The following CPAMD8 variants were observed in gnomAD, a reference collection of about 807,000 sequenced individuals.
The protein encoded by CPAMD8 is C3 and PZP like alpha-2-macroglobulin domain containing 8.
CPAMD8 carries 146 observed loss-of-function variants against 224.7 expected under a neutral mutation model. The observed-to-expected ratio is 0.65, with a 90% CI of 0.57 to 0.75. The LOEUF is 0.75. Ranked by LOEUF, CPAMD8 falls within the 30% of genes least tolerant of loss-of-function variation. The pLI is 0.00. For synonymous variants in CPAMD8, 966 were observed against 1,044.6 expected (o/e 0.92, Z 1.45); for missense variants, 2,301 against 2,537.5 (o/e 0.91, Z 2.00).
At chr19:16,934,377 T>C (rs2053628230) in intron 23 of CPAMD8, among the ~76,000 whole-genome samples, 1 of 152,206 alleles carries the variant, frequency 6.6e-6, no homozygotes, top group African/African-American at 2.4e-5. Context: ...ACTATTCATA[T>C]AAATATGTTC....
chr19:16,957,812 T>C, intron 19 of CPAMD8, 41 bp downstream of exon 19: 1 of 1,608,152 alleles, frequency 6.2e-7, no homozygotes, highest in South Asian at 1.1e-5. Flanking sequence ...TGTCTTTCAC[T>C]CAACCGGCAA....
chr19:16,987,724 C>T (rs1050773666), intron 13 of CPAMD8, among the ~76,000 whole-genome samples: 1 of 152,138 alleles, frequency 6.6e-6, no homozygotes, highest in Non-Finnish European at 1.5e-5. Context: ...GATCATGTTT[C>T]ACTGCGGTCC....
At chr19:16,979,269 G>GCCATCCATCCATCCATCCAT (rs149849849) in intron 14 of CPAMD8, among the ~76,000 whole-genome samples, 11 of 144,892 alleles carry the variant, frequency 7.6e-5, no homozygotes, top group South Asian at 4.4e-4. Flanking sequence ...CCACCCATTA[G>GCCATCCATCCATCCATCCAT]CCATCCATCC....
At chr19:16,966,743 C>G (rs2054840266) in intron 18 of CPAMD8, among the ~76,000 whole-genome samples, 1 of 152,134 alleles carries the variant, frequency 6.6e-6, no homozygotes, top group African/African-American at 2.4e-5. Context: ...AAAAAATGCT[C>G]ATCATCACTG....
Position 16,904,470 on chromosome 19 carries a change from C to T in CPAMD8, c.4110G>A (p.Gln1370=). 1 of 1,614,032 alleles carries T rather than the reference C, an allele frequency of 6.2e-7. No homozygotes were observed. The highest frequency in any genetic ancestry group is 1.7e-5 in the Admixed American group (1 of 60,032). ...GGGAGCTGGGGTGGCCAGTACCTGA[C>T]TGAGAGACCCTGTCACTGAAGCTCA... The part of the protein sequence containing the change: ...TFLSFSDRVS[Q]SVVSAEVEMT... Residue 1370 remains glutamine, a synonymous_variant, in exon 31 of 42, where the codon CAG becomes CAA. Coordinates refer to ENST00000443236, the MANE Select transcript of CPAMD8 (RefSeq NM_015692.5).
chr19:16,926,120 T>TA (rs1345824252), intron 25 of CPAMD8, among the ~76,000 whole-genome samples: 2 of 152,068 alleles, frequency 1.3e-5, no homozygotes, highest in African/African-American at 4.8e-5. Flanking sequence ...CTTCAATTTT[T>TA]AAAAAAAGTT....
At chr19:16,929,966 G>A (rs60887063) in intron 23 of CPAMD8, among the ~76,000 whole-genome samples, 2 of 151,956 alleles carry the variant, frequency 1.3e-5, no homozygotes, top group East Asian at 3.9e-4. Flanking sequence ...ATACAGACAC[G>A]CAAAGGACCT....
At position 17,011,489 on chromosome 19, in the gene CPAMD8, GGA is replaced by G. The variant is rs781566148; in HGVS notation, c.459_460del (p.Pro154LysfsTer55). The G allele has an allele frequency of 6.2e-7, 1 of 1,614,202 alleles. No homozygotes were observed. The highest frequency in any genetic ancestry group is 1.1e-5 in the South Asian group (1 of 91,078). On this transcript the variant is annotated frameshift_variant, in exon 5 of 42. Coordinates refer to ENST00000443236, the MANE Select transcript of CPAMD8 (RefSeq NM_015692.5). LOFTEE classifies it high-confidence loss of function. ...CTTCTCGTTGACAGGCCTCAGATTT[GGA>G]GAGACGGTGAAGATGCTTATGAGCA...
intron 21 of CPAMD8, among the ~76,000 whole-genome samples, chr19:16,946,593 G>A (rs549332056): frequency 2.0e-5 from 3 of 149,220 alleles, no homozygotes; most frequent in South Asian, 2.1e-4. Flanking sequence ...ACGTCTACAC[G>A]TGGGCGTGTG....
At chr19:16,974,936 C>G in intron 17 of CPAMD8, 161 bp downstream of exon 17, 1 of 943,384 alleles carries the variant, frequency 1.1e-6, no homozygotes, top group Non-Finnish European at 1.6e-6. Flanking sequence ...GATCACACCA[C>G]TGCACTCCAG....
chr19:17,022,979 T>C (rs1053014931), intron 1 of CPAMD8, among the ~76,000 whole-genome samples: 48 of 151,626 alleles, frequency 3.2e-4, no homozygotes, highest in African/African-American at 1.1e-3. Context: ...AGAAGTCAAG[T>C]CACCAGCCGC....
At position 16,957,897 on chromosome 19, in the gene CPAMD8, C is replaced by A; in HGVS notation, c.2232G>T (p.Arg744Ser). Reference protein sequence around the residue: ...RHPPRTEKRKRTFFPETWIWH... With the variant: ...RHPPRTEKRKSTFFPETWIWH... ...AAATCCATGTTTCGGGGAAGAAAGT[C>A]CTTTTTCTCTTCTCTGTTCTATGAA... Residue 744 changes from arginine (R) to serine (S), a missense_variant, in exon 19 of 42, where the codon AGG (arginine) becomes AGT (serine). Coordinates refer to ENST00000443236, the MANE Select transcript of CPAMD8 (RefSeq NM_015692.5). 6.2e-7 allele frequency: 1 copy of A among 1,613,992 alleles called. No homozygotes were observed. Among genetic ancestry groups the A allele is most frequent in the Non-Finnish European group, 8.5e-7 (1 of 1,179,944 alleles).
At chr19:16,990,392 G>A (rs1267598253) in intron 12 of CPAMD8, among the ~76,000 whole-genome samples, 2 of 151,888 alleles carry the variant, frequency 1.3e-5, no homozygotes, top group African/African-American at 2.4e-5. Flanking sequence ...GACCAGCCTG[G>A]GCAATATAGC....
Position 16,921,913 on chromosome 19 carries a change from C to T in CPAMD8, c.3621G>A (p.Gly1207=), listed in dbSNP as rs372144870. ...GGGCGGTGGGGACTCACCACATGCT[C>T]CCCGATGCGTCCCGCTCCCCAAACG... is the stretch of plus-strand genomic sequence containing the variant. ...YSAFGERDAS[G]SMWLTAFVLK... is the part of the protein sequence containing the mutation. Residue 1207 remains glycine, a synonymous_variant, in exon 27 of 42, where the codon GGG becomes GGA. Transcript: ENST00000443236. The T allele has an allele frequency of 4.4e-5, 68 of 1,543,738 alleles. No individual in the cohort carries two copies. The highest frequency in any genetic ancestry group is 3.4e-4 in the East Asian group (14 of 40,924).
intron 1 of CPAMD8, among the ~76,000 whole-genome samples, chr19:17,023,173 TG>T (rs1381259586): frequency 1.3e-5 from 2 of 152,212 alleles, no homozygotes; most frequent in Non-Finnish European, 2.9e-5. Flanking sequence ...TAAAATCTTC[TG>T]ATTGACTATG....
rs529293941 is a variant in CPAMD8, at chr19:16,906,694, T to C, written c.4027+258A>G. Among the ~76,000 whole-genome samples the C allele has an allele frequency of 3.3e-5, 5 of 151,998 alleles. No homozygotes were observed. In the South Asian group the frequency reaches 1.0e-3, roughly 32 times the overall value. On this transcript the variant is annotated intron_variant, in intron 30 of 41. Transcript: ENST00000443236. ...GCGTGAGCCACCGCGCCTGGTCGAC[T>C]CATCAGTTTTTTGTTTTGTTTTGTT...
At chr19:16,934,173 G>C (rs543681220) in intron 23 of CPAMD8, among the ~76,000 whole-genome samples, 2 of 152,252 alleles carry the variant, frequency 1.3e-5, no homozygotes, top group South Asian at 4.1e-4. Context: ...TAGTGATGGA[G>C]TAAACAGGAG....
intron 3 of CPAMD8, 21 bp downstream of exon 3, chr19:17,020,310 T>C: frequency 6.4e-7 from 1 of 1,559,810 alleles, no homozygotes; most frequent in South Asian, 1.1e-5. Context: ...AGGTTTATGA[T>C]TTTAAAAATC....
intron 29 of CPAMD8, among the ~76,000 whole-genome samples, chr19:16,913,542 A>T (rs1436112385): frequency 2.0e-5 from 3 of 152,062 alleles, no homozygotes; most frequent in Non-Finnish European, 4.4e-5. Flanking sequence ...TTGGTCTTGG[A>T]CTTCCCATCC....
Sources: allele counts gnomAD v4.1 joint callset (sites outside exome capture counted in the v4.1 genomes callset), GRCh38; gene constraint gnomAD v4.1.1; transcripts MANE v1.5; gene names NCBI Gene and HGNC (gene_info 2026-07-23, HGNC 2026-07-21).